Variants in CELF1 observed in about 807,000 individuals in gnomAD.
CELF1 encodes the protein 50 kDa nuclear polyadenylated RNA-binding protein.
A neutral mutation model predicts 61.8 loss-of-function variants in CELF1; 10 were observed. That is an observed-to-expected ratio of 0.16 (90% confidence interval 0.10 to 0.27). CELF1 has a LOEUF of 0.27. Among genes scored for constraint, CELF1 ranks in the 10% least tolerant of loss-of-function variants. The pLI is 1.00. For missense variants in CELF1, 380 were observed against 639.1 expected, an observed-to-expected ratio of 0.59 and a Z score of 4.37; for synonymous variants, 236 against 225.1, an observed-to-expected ratio of 1.05 and a Z score of -0.43.
intron 1 of CELF1, among the ~76,000 whole-genome samples, chr11:47,551,190 T>A (rs997031140): frequency 6.6e-6 from 1 of 152,104 alleles, no homozygotes; most frequent in Non-Finnish European, 1.5e-5. Context: ...GATAGCACAA[T>A]CTCTAAAGAA....
chr11:47,475,589 T>C, intron 12 of CELF1, 68 bp from the exon 13 acceptor site: 1 of 1,518,144 alleles, frequency 6.6e-7, no homozygotes, highest in Non-Finnish European at 9.0e-7. Flanking sequence ...CAAGTCTACT[T>C]GGGACATCTA....
At chr11:47,539,229 T>TA (rs112191949) in intron 1 of CELF1, among the ~76,000 whole-genome samples, 2,332 of 152,208 alleles carry the variant, frequency 0.015, 45 homozygotes, top group African/African-American at 0.046. Flanking sequence ...AAAAACTTGT[T>TA]AAAAAAATAA....
In CELF1 at chr11:47,487,144, T is replaced by C. The variant is rs751876049; in HGVS notation, c.342+15A>G. 5 of 1,591,916 alleles carry C rather than the reference T, an allele frequency of 3.1e-6. No individual in the cohort carries two copies. The South Asian group carries it at 5.5e-5, about 18-fold the overall frequency. On this transcript the variant is annotated intron_variant, in intron 5 of 14. Coordinates refer to ENST00000687097, the MANE Select transcript of CELF1 (RefSeq NM_001376376.1). Reference sequence around the variant, plus strand: ...AAGTTACCACATTTCCATTTACTAGTGGGAGCTTTCTTACCCCTGGGAGGA... The same window carrying C: ...AAGTTACCACATTTCCATTTACTAGCGGGAGCTTTCTTACCCCTGGGAGGA...
At chr11:47,562,282 T>C (rs2097228436) in intron 2 of CELF1, among the ~76,000 whole-genome samples, 1 of 150,074 alleles carries the variant, frequency 6.7e-6, no homozygotes, top group African/African-American at 2.5e-5. Context: ...TGCCAGCACT[T>C]AGAGAGGCTG....
At chr11:47,510,155 T>C (rs1363326364) in intron 1 of CELF1, among the ~76,000 whole-genome samples, 1 of 152,204 alleles carries the variant, frequency 6.6e-6, no homozygotes, top group Non-Finnish European at 1.5e-5. Flanking sequence ...CTACCTGCGA[T>C]AAATGTTTAA....
At chr11:47,513,747 G>A (rs964925194) in intron 1 of CELF1, 5 of 150,710 alleles carry the variant, frequency 3.3e-5, no homozygotes, top group Non-Finnish European at 5.9e-5. Context: ...GAGCCACTGC[G>A]CCCGGCCACC....
At position 47,549,961 on chromosome 11, in the gene CELF1, C is replaced by G. The variant is rs559620342; in HGVS notation, c.-154+3031G>C. Among the ~76,000 whole-genome samples the G allele has an allele frequency of 2.6e-5, 4 of 152,100 alleles. No homozygotes were observed. The South Asian group carries it at 8.3e-4, about 32-fold the overall frequency. Reference sequence around the variant, plus strand: ...CCTCCCAAGTAGCTGGGACTACAGGCACATGCCACCACACCTGGTTAATTT... The same window carrying G: ...CCTCCCAAGTAGCTGGGACTACAGGGACATGCCACCACACCTGGTTAATTT... On this transcript the variant is annotated intron_variant, in intron 1 of 14. Transcript: ENST00000687097.
intron 1 of CELF1, among the ~76,000 whole-genome samples, chr11:47,506,693 T>C (rs971792232): frequency 2.0e-5 from 3 of 152,224 alleles, no homozygotes; most frequent in African/African-American, 7.2e-5. Context: ...CAAGAAAATA[T>C]TTCTAGCTTC....
intron 1 of CELF1, among the ~76,000 whole-genome samples, chr11:47,517,032 A>C (rs1414326066): frequency 1.3e-5 from 2 of 152,178 alleles, no homozygotes; most frequent in African/African-American, 2.4e-5. Flanking sequence ...GGACTGCTTG[A>C]GCCCACAAGT....
In CELF1 at chr11:47,473,216, T is replaced by C. The variant is rs1565733670; in HGVS notation, c.1289A>G (p.Asn430Ser). ...GSQKEGPEGA[N>S]LFIYHLPQEF... ...CTGGGGCAGGTGGTAGATGAACAGGTTGGCTCCCTCTGGACCTTCAAAATA... is the reference window on the plus strand; with the variant it reads ...CTGGGGCAGGTGGTAGATGAACAGGCTGGCTCCCTCTGGACCTTCAAAATA... The change falls in exon 14 of 15, where the codon AAC becomes AGC. Residue 430 changes from asparagine to serine, a missense_variant. Coordinates refer to ENST00000687097, the MANE Select transcript of CELF1 (RefSeq NM_001376376.1). The C allele has an allele frequency of 6.2e-7, 1 of 1,614,078 alleles. No homozygotes were observed. Among genetic ancestry groups the C allele is most frequent in the Non-Finnish European group, 8.5e-7 (1 of 1,179,990 alleles).
At chr11:47,501,234 T>A (rs2093854584) in intron 1 of CELF1, among the ~76,000 whole-genome samples, 1 of 152,216 alleles carries the variant, frequency 6.6e-6, no homozygotes, top group Admixed American at 6.5e-5. Flanking sequence ...TCTTCCACCC[T>A]ATTAAAGCGG....
At chr11:47,552,597 G>A (rs763027735) in intron 1 of CELF1, among the ~76,000 whole-genome samples, 4 of 152,248 alleles carry the variant, frequency 2.6e-5, no homozygotes, top group Non-Finnish European at 5.9e-5. Context: ...CAGGGGCAGA[G>A]ATGGGGTGTC....
At chr11:47,558,683 TATTATATATA>T (rs1286557143) in intron 2 of CELF1, among the ~76,000 whole-genome samples, 10 of 101,846 alleles carry the variant, frequency 9.8e-5, no homozygotes, top group African/African-American at 4.3e-4. Flanking sequence ...ATATGTAATA[TATTATATATA>T]ATATATGTCA....
At chr11:47,545,342 A>T (rs1272248987) in intron 1 of CELF1, among the ~76,000 whole-genome samples, 2 of 152,142 alleles carry the variant, frequency 1.3e-5, no homozygotes, top group Non-Finnish European at 2.9e-5. Context: ...AGGCACGAGA[A>T]TTGCTTGAAC....
At position 47,484,575 on chromosome 11, in the gene CELF1, G is replaced by A. The variant is rs550887150; in HGVS notation, c.392-52C>T. On this transcript the variant is annotated intron_variant, in intron 6 of 14. Coordinates refer to ENST00000687097, the MANE Select transcript of CELF1 (RefSeq NM_001376376.1). ...GAATATTACTACTTAAAGAGGCAATGTGGCACAGATTTGGGAGCCAGACCG... is the reference window on the plus strand; with the variant it reads ...GAATATTACTACTTAAAGAGGCAATATGGCACAGATTTGGGAGCCAGACCG... The A allele has an allele frequency of 3.2e-5, 50 of 1,551,516 alleles. No individual in the cohort carries two copies. The South Asian group carries it at 5.5e-4, about 17-fold the overall frequency.
At chr11:47,525,720 T>C (rs2096204370) in intron 1 of CELF1, among the ~76,000 whole-genome samples, 1 of 152,090 alleles carries the variant, frequency 6.6e-6, no homozygotes, top group Admixed American at 6.5e-5. Flanking sequence ...ATATTAATAA[T>C]AAAGGCAGAC....
At chr11:47,519,175 AT>A (rs901076477) in intron 1 of CELF1, among the ~76,000 whole-genome samples, 8 of 152,112 alleles carry the variant, frequency 5.3e-5, no homozygotes, top group Non-Finnish European at 1.0e-4. Context: ...GACAAATTCT[AT>A]TCTATTCTAT....
intron 9 of CELF1, among the ~76,000 whole-genome samples, chr11:47,481,175 G>A (rs1039316206): frequency 4.7e-5 from 6 of 128,288 alleles, no homozygotes; most frequent in Admixed American, 3.8e-4. Flanking sequence ...GCAATGGTGC[G>A]ATCTTGGCTC....
At chr11:47,553,497 C>T (rs1042356853), upstream of CELF1, among the ~76,000 whole-genome samples, 3 of 152,354 alleles carry the variant, frequency 2.0e-5, no homozygotes, top group Non-Finnish European at 4.4e-5. Flanking sequence ...AGGAGGCACC[C>T]CTACTGGGCA....
Sources: gnomAD v4.1 joint callset for allele counts (sites outside exome capture counted in the v4.1 genomes callset) on GRCh38, gnomAD v4.1.1 for gene constraint, MANE v1.5 for transcripts, NCBI Gene and HGNC (gene_info 2026-07-23, HGNC 2026-07-21) for gene names.